The following GBE1 variants were observed in gnomAD, a reference collection of about 807,000 sequenced individuals.
The protein encoded by GBE1 is 1,4-alpha-glucan-branching enzyme.
In GBE1, 70 loss-of-function variants were observed where a neutral mutation model predicts 88.8. The ratio of observed to expected loss-of-function variants is 0.79; its 90% confidence interval spans 0.65 to 0.96. GBE1 has a LOEUF of 0.96. Ranked by LOEUF, GBE1 falls within the 40% of genes least tolerant of loss-of-function variation. GBE1 has a pLI of 0.00. For missense variants in GBE1, 872 were observed against 871.0 expected (o/e 1.00, Z -0.01); for synonymous variants, 284 against 300.1 (o/e 0.95, Z 0.56).
rs111293794 is a variant in GBE1, at chr3:81,538,478, T to C, written c.1619-1383A>G. On this transcript the variant is annotated intron_variant, in intron 12 of 15. Transcript: ENST00000429644. ...TCAGTCTAAATGATAATATTTCTTA[T>C]GATGTTGTCCACAGTGTGTCATAGC... Among the ~76,000 whole-genome samples the C allele has an allele frequency of 9.6e-3, 1,461 of 152,062 alleles. 22 individuals are homozygous for C. Among genetic ancestry groups the C allele is most frequent in the African/African-American group, 0.032 (1,327 of 41,524 alleles).
At chr3:81,532,141 C>T (rs536005551) in intron 14 of GBE1, among the ~76,000 whole-genome samples, 361 of 151,962 alleles carry the variant, frequency 2.4e-3, no homozygotes, top group African/African-American at 8.3e-3. Flanking sequence ...CTTTCTTACC[C>T]TCTTCTGTGC....
At chr3:81,696,036 G>A (rs138691053) in intron 2 of GBE1, among the ~76,000 whole-genome samples, 20 of 151,416 alleles carry the variant, frequency 1.3e-4, no homozygotes, top group African/African-American at 2.4e-4. Flanking sequence ...CTTTTTTTCC[G>A]CCCCCCCAAG....
intron 15 of GBE1, among the ~76,000 whole-genome samples, chr3:81,493,825 T>A (rs1301430507): frequency 7.1e-6 from 1 of 141,278 alleles, no homozygotes; most frequent in East Asian, 2.2e-4. Context: ...ACCACACCCA[T>A]CCGAGAGGGT....
intron 5 of GBE1, among the ~76,000 whole-genome samples, chr3:81,647,244 C>T (rs1370454122): frequency 6.6e-6 from 1 of 152,126 alleles, no homozygotes; most frequent in Non-Finnish European, 1.5e-5. Context: ...AGGCGTGAGC[C>T]ACCGCGCCCA....
intron 2 of GBE1, among the ~76,000 whole-genome samples, chr3:81,695,100 A>G (rs1705572084): frequency 6.6e-6 from 1 of 152,222 alleles, no homozygotes; most frequent in African/African-American, 2.4e-5. Flanking sequence ...GAAACACTAC[A>G]TTTTAATCCC....
rs770974468 is a variant in GBE1, at chr3:81,750,551, G to GTATA, written c.143+10820_143+10823dup. ...TATATATATATACGTATATATATATGTATATATATATGTATATATATATAC... is the reference window on the plus strand; with the variant it reads ...TATATATATATACGTATATATATATGTATATATATATATATGTATATATATATAC... On this transcript the variant is annotated intron_variant, in intron 1 of 15. Coordinates refer to ENST00000429644, the MANE Select transcript of GBE1 (RefSeq NM_000158.4). Among the ~76,000 whole-genome samples the GTATA allele has an allele frequency of 1.9e-4, 10 of 52,322 alleles. 1 individual carries two copies. The highest frequency in any genetic ancestry group is 1.3e-3 in the East Asian group (1 of 780). 34.3% of individuals were successfully genotyped at this position (52,322 alleles called of 152,430 possible). A position where few individuals can be genotyped will look rare whatever the true frequency, so the allele number is the denominator to read the frequency against.
At chr3:81,688,636 T>C (rs1415754033) in intron 2 of GBE1, among the ~76,000 whole-genome samples, 1 of 152,148 alleles carries the variant, frequency 6.6e-6, no homozygotes, top group Non-Finnish European at 1.5e-5. Context: ...ATAATATAAA[T>C]GATTAAAATG....
At chr3:81,496,581 G>C (rs1036018600) in intron 15 of GBE1, among the ~76,000 whole-genome samples, 14 of 152,150 alleles carry the variant, frequency 9.2e-5, no homozygotes, top group Admixed American at 7.2e-4. Context: ...GATCTCACTG[G>C]AAGTGGTATA....
chr3:81,650,417 AC>A (rs746079612), intron 3 of GBE1: 1 of 152,878 alleles, frequency 6.5e-6, no homozygotes, highest in African/African-American at 2.4e-5. Context: ...ACAGACACAT[AC>A]ATTTTCCACA....
intron 12 of GBE1, among the ~76,000 whole-genome samples, chr3:81,566,667 T>A (rs79246228): frequency 0.01 from 1,523 of 152,290 alleles, 20 homozygotes; most frequent in African/African-American, 0.035. Context: ...TATTCCTTCC[T>A]CCTTTTGCTC....
At chr3:81,608,700 C>G (rs1576168257) in intron 7 of GBE1, among the ~76,000 whole-genome samples, 1 of 152,116 alleles carries the variant, frequency 6.6e-6, no homozygotes, top group Non-Finnish European at 1.5e-5. Flanking sequence ...AGTCTGCATG[C>G]TGGGATAAAA....
At chr3:81,758,748 A>C (rs1444574886) in intron 1 of GBE1, among the ~76,000 whole-genome samples, 1 of 152,208 alleles carries the variant, frequency 6.6e-6, no homozygotes, top group African/African-American at 2.4e-5. Context: ...ATAATGTACT[A>C]ATTTTTATTT....
chr3:81,573,241 C>T (rs1703598464), intron 12 of GBE1, among the ~76,000 whole-genome samples: 2 of 152,018 alleles, frequency 1.3e-5, no homozygotes, highest in Admixed American at 1.3e-4. Context: ...TCTTTAGGCC[C>T]CAGTTTTTTT....
intron 10 of GBE1, among the ~76,000 whole-genome samples, chr3:81,581,485 TTG>T (rs148901178): frequency 3.3e-5 from 5 of 150,466 alleles, no homozygotes; most frequent in Non-Finnish European, 3.0e-5. Context: ...TAGAGTGTGT[TTG>T]TGTGTGTGTG....
intron 7 of GBE1, among the ~76,000 whole-genome samples, chr3:81,620,054 T>C (rs1406225855): frequency 1.3e-5 from 2 of 152,078 alleles, no homozygotes; most frequent in East Asian, 1.9e-4. Context: ...TAAATCATAA[T>C]TTTTATTTAA....
At chr3:81,672,210 T>C (rs1207807242) in intron 2 of GBE1, among the ~76,000 whole-genome samples, 2 of 152,172 alleles carry the variant, frequency 1.3e-5, no homozygotes, top group Middle Eastern at 3.4e-3. Context: ...TGGTATCATA[T>C]GTGATGCGAA....
chr3:81,756,110 G>A (rs1706597816), intron 1 of GBE1, among the ~76,000 whole-genome samples: 1 of 151,946 alleles, frequency 6.6e-6, no homozygotes, highest in Non-Finnish European at 1.5e-5. Flanking sequence ...CCCATTCTTG[G>A]ACACACAGCT....
At chr3:81,759,839 T>C (rs1345453964) in intron 1 of GBE1, among the ~76,000 whole-genome samples, 2 of 152,040 alleles carry the variant, frequency 1.3e-5, no homozygotes, top group African/African-American at 2.4e-5. Context: ...AATCTGTTTG[T>C]GTCATTTAAA....
intron 15 of GBE1, among the ~76,000 whole-genome samples, chr3:81,492,478 GA>G (rs553465709): frequency 5.5e-5 from 8 of 145,580 alleles, no homozygotes; most frequent in East Asian, 2.0e-4. Flanking sequence ...CAAAGAAGGA[GA>G]AAAAAAAAAC....
Sources: allele counts gnomAD v4.1 joint callset (sites outside exome capture counted in the v4.1 genomes callset), GRCh38; gene constraint gnomAD v4.1.1; transcripts MANE v1.5; gene names NCBI Gene and HGNC (gene_info 2026-07-23, HGNC 2026-07-21).